VDAC1: variants seen among roughly 807,000 people sequenced by gnomAD.
VDAC1 encodes the protein non-selective voltage-gated ion channel VDAC1.
VDAC1 carries 10 observed loss-of-function variants against 34.7 expected under a neutral mutation model. That is an observed-to-expected ratio of 0.29 (90% CI 0.18 to 0.49). The LOEUF (loss-of-function observed/expected upper bound fraction) is 0.49. Ranked by LOEUF, VDAC1 falls within the 20% of genes least tolerant of loss-of-function variation. The pLI is 0.99. For missense variants in VDAC1, 230 were observed against 347.9 expected, an observed-to-expected ratio of 0.66 and a Z score of 2.69; for synonymous variants, 130 against 136.0, an observed-to-expected ratio of 0.96 and a Z score of 0.30.
the VDAC1 span, among the ~76,000 whole-genome samples, chr5:134,036,964 C>A: frequency 0.021 from 3,144 of 150,412 alleles, 92 homozygotes; most frequent in African/African-American, 0.066. Context: ...AAAAAAAAAA[C>A]AAAAAAACAA....
chr5:134,098,755 G>A, the VDAC1 span, among the ~76,000 whole-genome samples: 1 of 152,222 alleles, frequency 6.6e-6, no homozygotes. Context: ...CGGTGACCAG[G>A]GCAAGTCCAG....
intron 5 of VDAC1, chr5:133,988,705 AG>A (rs1183216682): frequency 6.6e-6 from 1 of 151,636 alleles, no homozygotes; most frequent in Non-Finnish European, 1.5e-5. Flanking sequence ...AGGAGGTTGC[AG>A]TGAGCTGAGA....
the VDAC1 span, among the ~76,000 whole-genome samples, chr5:134,054,761 G>A: frequency 6.6e-5 from 10 of 152,092 alleles, no homozygotes; most frequent in Admixed American, 2.0e-4. Context: ...TCGCCCAACT[G>A]GACCACAGTC....
chr5:133,996,546 A>G (rs751701037), intron 1 of VDAC1, among the ~76,000 whole-genome samples: 1 of 151,846 alleles, frequency 6.6e-6, no homozygotes, highest in Non-Finnish European at 1.5e-5. Flanking sequence ...TGCTGTGCTC[A>G]CCGTGCCCCC....
chr5:134,055,588 G>GTTTTTTTTTTTTTTTTTTTTTTTTTTTT, the VDAC1 span, among the ~76,000 whole-genome samples: 1 of 59,616 alleles, frequency 1.7e-5, no homozygotes, highest in East Asian at 7.2e-4. Context: ...CCCCGCTAAT[G>GTTTTTTTTTTTTTTTTTTTTTTTTTTTT]TTTTTTTTTT....
chr5:134,047,426 T>C, the VDAC1 span, among the ~76,000 whole-genome samples: 1 of 151,916 alleles, frequency 6.6e-6, no homozygotes, highest in Non-Finnish European at 1.5e-5. Flanking sequence ...TGGAAAGGCT[T>C]CCAGAGCCCA....
chr5:134,087,308 G>A, the VDAC1 span, among the ~76,000 whole-genome samples: 1 of 151,864 alleles, frequency 6.6e-6, no homozygotes, highest in African/African-American at 2.4e-5. Context: ...CTGAGATAAG[G>A]CAACAATGGA....
chr5:134,004,376 G>C (rs533531547), intron 1 of VDAC1: 2 of 152,302 alleles, frequency 1.3e-5, no homozygotes, highest in Admixed American at 6.6e-5. Context: ...CCGCAAGCCC[G>C]GGCCGCCTCT....
At chr5:134,023,819 G>T in the VDAC1 span, among the ~76,000 whole-genome samples, 1 of 152,092 alleles carries the variant, frequency 6.6e-6, no homozygotes, top group Non-Finnish European at 1.5e-5. Flanking sequence ...CCTCTCCAAA[G>T]AGGTGACTTA....
chr5:134,044,953 A>G, the VDAC1 span, among the ~76,000 whole-genome samples: 5 of 152,292 alleles, frequency 3.3e-5, no homozygotes, highest in African/African-American at 9.6e-5. Context: ...GGCTGTAATT[A>G]GGCCCGGGAG....
chr5:133,994,249 T>C (rs1322671981), intron 1 of VDAC1, among the ~76,000 whole-genome samples: 1 of 152,238 alleles, frequency 6.6e-6, no homozygotes, highest in Non-Finnish European at 1.5e-5. Flanking sequence ...ACTGAGTATG[T>C]TGTAAAAGAA....
the VDAC1 span, among the ~76,000 whole-genome samples, chr5:134,057,499 C>CTATATCTA: frequency 1.9e-5 from 1 of 52,412 alleles, no homozygotes; most frequent in Non-Finnish European, 5.4e-5. Flanking sequence ...AAATTTATAT[C>CTATATCTA]TATATCTATA....
At chr5:134,050,075 T>C in the VDAC1 span, among the ~76,000 whole-genome samples, 1 of 151,776 alleles carries the variant, frequency 6.6e-6, no homozygotes, top group Non-Finnish European at 1.5e-5. Context: ...ATGGTGAAAC[T>C]CCGTTTCTAC....
At chr5:134,044,105 C>G in the VDAC1 span, among the ~76,000 whole-genome samples, 1 of 152,164 alleles carries the variant, frequency 6.6e-6, no homozygotes, top group African/African-American at 2.4e-5. Context: ...TGCTCAGTAC[C>G]CTGCCTCCCA....
the VDAC1 span, among the ~76,000 whole-genome samples, chr5:134,113,874 T>G: frequency 6.6e-6 from 1 of 152,242 alleles, no homozygotes; most frequent in Admixed American, 6.5e-5. Flanking sequence ...TGAGTTGCTG[T>G]GGACGAGCGA....
intron 7 of VDAC1, among the ~76,000 whole-genome samples, chr5:133,975,019 A>G (rs527965200): frequency 6.6e-6 from 1 of 152,132 alleles, no homozygotes; most frequent in Admixed American, 6.5e-5. Context: ...TGTAATCCCA[A>G]CATTTGGGAG....
the VDAC1 span, among the ~76,000 whole-genome samples, chr5:134,091,526 T>C: frequency 2.6e-5 from 4 of 152,042 alleles, no homozygotes; most frequent in African/African-American, 7.2e-5. Flanking sequence ...GGGAAGAGCA[T>C]GGGCAAAGGC....
chr5:134,069,879 G>A, the VDAC1 span, among the ~76,000 whole-genome samples: 2 of 152,090 alleles, frequency 1.3e-5, no homozygotes, highest in Non-Finnish European at 2.9e-5. Context: ...ACAGATTGCA[G>A]CAAAGAAGCT....
the VDAC1 span, among the ~76,000 whole-genome samples, chr5:134,080,384 C>T: frequency 4.6e-5 from 7 of 151,688 alleles, no homozygotes; most frequent in African/African-American, 1.7e-4. Context: ...GCCTGCATTG[C>T]GTGAACTCCC....
Sources: allele counts gnomAD v4.1 joint callset (sites outside exome capture counted in the v4.1 genomes callset), GRCh38; gene constraint gnomAD v4.1.1; transcripts MANE v1.5; gene names NCBI Gene and HGNC (gene_info 2026-07-23, HGNC 2026-07-21).